XRN2: variants seen among roughly 807,000 people sequenced by gnomAD.
XRN2 encodes 5'-3' exoribonuclease 2.
A neutral mutation model predicts 138.5 loss-of-function variants in XRN2; 44 were observed. The observed-to-expected ratio is 0.32, with a 90% CI of 0.25 to 0.41. The LOEUF is 0.41. Among genes scored for constraint, XRN2 ranks in the 10% least tolerant of loss-of-function variants. The pLI, the probability that XRN2 is intolerant of heterozygous loss-of-function variation, is 1.00. For synonymous variants in XRN2, 354 were observed against 369.4 expected (o/e 0.96, Z 0.48); for missense variants, 937 against 1,169.3 (o/e 0.80, Z 2.90).
chr20:21,385,639 C>CAA (rs60774427), intron 28 of XRN2, among the ~76,000 whole-genome samples: 12,342 of 152,146 alleles, frequency 0.081, 647 homozygotes, highest in East Asian at 0.16. Flanking sequence ...AATCATCACA[C>CAA]AAAAATAATT....
chr20:21,304,147 A>G (rs147480101), intron 1 of XRN2, among the ~76,000 whole-genome samples: 4 of 152,236 alleles, frequency 2.6e-5, no homozygotes, highest in East Asian at 1.9e-4. Context: ...GAGCAGTACA[A>G]TTTTTGTTGT....
rs116817215 is a variant in XRN2, at chr20:21,308,873, A to G, written c.75+5400A>G. 6.6e-3 allele frequency among the ~76,000 whole-genome samples: 1,012 copies of G among 152,188 alleles called. 11 individuals carry two copies. Among genetic ancestry groups the G allele is most frequent in the African/African-American group, 0.023 (973 of 41,562 alleles). ...ATATTTCTGCTTTTTGTATTTAAGG[A>G]ATCCTTTGTCAAAGCCAAGGTCTCC... is the stretch of plus-strand genomic sequence containing the variant. On this transcript the variant is annotated intron_variant, in intron 1 of 29. Transcript: ENST00000377191.
chr20:21,389,136 A>C, intron 29 of XRN2, 137 bp from the exon 30 acceptor site: 1 of 693,816 alleles, frequency 1.4e-6, no homozygotes, highest in Non-Finnish European at 2.3e-6. Flanking sequence ...AGCACCTTTT[A>C]TGGGGCCTTT....
At chr20:21,359,799 T>C (rs2038616565) in intron 24 of XRN2, among the ~76,000 whole-genome samples, 1 of 152,172 alleles carries the variant, frequency 6.6e-6, no homozygotes, top group Non-Finnish European at 1.5e-5. Context: ...CTTTATAACT[T>C]TAACTTACAA....
chr20:21,317,007 G>A (rs1481576629), intron 1 of XRN2, among the ~76,000 whole-genome samples: 1 of 152,136 alleles, frequency 6.6e-6, no homozygotes, highest in East Asian at 1.9e-4. Context: ...TTTTCTAGTG[G>A]ATCCCTTAGG....
chr20:21,345,189 A>C (rs2038420631), intron 16 of XRN2, among the ~76,000 whole-genome samples: 1 of 152,170 alleles, frequency 6.6e-6, no homozygotes, highest in African/African-American at 2.4e-5. Context: ...TTTGTTTACT[A>C]TGTAGCCATC....
intron 1 of XRN2, among the ~76,000 whole-genome samples, chr20:21,318,078 G>A (rs561352623): frequency 1.3e-5 from 2 of 152,280 alleles, no homozygotes; most frequent in East Asian, 1.9e-4. Flanking sequence ...GTAGTTTGCG[G>A]ATTACTGATT....
chr20:21,330,462 C>T lies in XRN2; in HGVS notation c.428-19C>T, dbSNP rs746894037. 9.3e-6 allele frequency: 15 copies of T among 1,612,072 alleles called. No individual in the cohort carries two copies. The South Asian group carries it at 1.2e-4, about 13-fold the overall frequency. ...CTCACTTTTTATGGGGAGAACAAAA[C>T]GTTGCCTCTTTTCTCTAGGTGGCTT... On this transcript the variant is annotated intron_variant, in intron 4 of 29. Transcript: ENST00000377191.
chr20:21,380,475 A>T (rs2122355812), intron 27 of XRN2, among the ~76,000 whole-genome samples: 1 of 152,320 alleles, frequency 6.6e-6, no homozygotes, highest in Middle Eastern at 3.4e-3. Flanking sequence ...ATCTCTTCAG[A>T]AAATTGATTT....
intron 4 of XRN2, 84 bp from the exon 5 acceptor site, chr20:21,330,397 T>C (rs984108534): frequency 2.8e-6 from 4 of 1,436,232 alleles, no homozygotes; most frequent in Non-Finnish European, 3.8e-6. Context: ...TAGTGGAACT[T>C]TTTGTTTTTG....
At chr20:21,311,855 C>T (rs1199827632) in intron 1 of XRN2, among the ~76,000 whole-genome samples, 1 of 151,904 alleles carries the variant, frequency 6.6e-6, no homozygotes, top group African/African-American at 2.4e-5. Context: ...ATTAGCTGGG[C>T]ATAGTGGTAC....
intron 28 of XRN2, among the ~76,000 whole-genome samples, chr20:21,385,628 G>A (rs1337641291): frequency 6.6e-6 from 1 of 150,898 alleles, no homozygotes; most frequent in African/African-American, 2.5e-5. Flanking sequence ...TCATTTCTTC[G>A]AATCATCACA....
chr20:21,304,023 T>C (rs2037779845), intron 1 of XRN2, among the ~76,000 whole-genome samples: 1 of 152,210 alleles, frequency 6.6e-6, no homozygotes, highest in South Asian at 2.1e-4. Context: ...GAAAGCAGTA[T>C]GTCAGGTCCA....
intron 1 of XRN2, among the ~76,000 whole-genome samples, chr20:21,304,605 CATACTT>C (rs1174123010): frequency 1.3e-5 from 2 of 152,248 alleles, no homozygotes; most frequent in African/African-American, 4.8e-5. Context: ...CTCTAAGTAT[CATACTT>C]ATACGTTATC....
At chr20:21,381,315 T>C (rs1157123308) in intron 27 of XRN2, among the ~76,000 whole-genome samples, 3 of 152,222 alleles carry the variant, frequency 2.0e-5, no homozygotes, top group Non-Finnish European at 4.4e-5. Flanking sequence ...AAGCTGTGGT[T>C]CGCTGATATA....
chr20:21,308,641 A>G (rs12481571), intron 1 of XRN2, among the ~76,000 whole-genome samples: 6,910 of 152,270 alleles, frequency 0.045, 211 homozygotes, highest in East Asian at 0.13. Context: ...AGGGTGAGGC[A>G]TCTGTTCAGA....
intron 16 of XRN2, 143 bp from the exon 17 acceptor site, chr20:21,346,268 TTAAA>T: frequency 9.6e-7 from 1 of 1,040,238 alleles, no homozygotes; most frequent in Non-Finnish European, 1.4e-6. Flanking sequence ...TTAGAAATAG[TTAAA>T]TGAATCTGTG....
intron 6 of XRN2, 46 bp downstream of exon 6, chr20:21,330,751 C>A (rs773986077): frequency 6.6e-7 from 1 of 1,524,904 alleles, no homozygotes; most frequent in East Asian, 2.3e-5. Context: ...GGTGATCATT[C>A]GAGGCTGTAC....
rs1235427162 is a variant in XRN2 at position 21,356,547 on chromosome 20, A to G, written c.2119-39A>G. 2.5e-6 allele frequency: 4 copies of G among 1,581,972 alleles called. No homozygotes were observed. In the Admixed American group the frequency reaches 5.3e-5, roughly 21 times the overall value. On this transcript the variant is annotated intron_variant, in intron 22 of 29. Coordinates refer to ENST00000377191, the MANE Select transcript of XRN2 (RefSeq NM_012255.5). The stretch of plus-strand genomic sequence containing the variant: ...GAATCTGCTTGAGTCCCAGTTTTCC[A>G]TTCTTTGCATATGAGATCAGGAATG...
Sources: allele counts gnomAD v4.1 joint callset (sites outside exome capture counted in the v4.1 genomes callset), GRCh38; gene constraint gnomAD v4.1.1; transcripts MANE v1.5; gene names NCBI Gene and HGNC (gene_info 2026-07-23, HGNC 2026-07-21).